The following RNF216 variants were observed in gnomAD, a reference collection of about 807,000 sequenced individuals.
RNF216 encodes the protein E3 ubiquitin-protein ligase RNF216.
RNF216 carries 72 observed loss-of-function variants against 110.8 expected under a neutral mutation model. The observed-to-expected ratio is 0.65, with a 90% confidence interval of 0.54 to 0.79. The LOEUF is 0.79. RNF216 is among the 30% of genes least tolerant of loss of function. The pLI is 0.00. For synonymous variants in RNF216, 495 were observed against 407.5 expected (o/e 1.21, Z -2.59); for missense variants, 1,342 against 1,141.2 (o/e 1.18, Z -2.54).
chr7:5,744,721 C>T (rs1443459583), intron 3 of RNF216, among the ~76,000 whole-genome samples: 1 of 152,074 alleles, frequency 6.6e-6, no homozygotes, highest in Non-Finnish European at 1.5e-5. Context: ...GCCTATAATC[C>T]CAGCACTTTG....
chr7:5,682,128 G>A (rs776890352), intron 13 of RNF216, among the ~76,000 whole-genome samples: 10 of 152,200 alleles, frequency 6.6e-5, no homozygotes, highest in Non-Finnish European at 1.2e-4. Context: ...GCGGGCCCAC[G>A]CTGCTAGGAA....
At chr7:5,779,753 T>C (rs1195879446) in intron 1 of RNF216, among the ~76,000 whole-genome samples, 1 of 143,856 alleles carries the variant, frequency 7.0e-6, no homozygotes, top group Non-Finnish European at 1.5e-5. Flanking sequence ...TACTTGAAGC[T>C]GGCAGGCGGA....
chr7:5,697,001 G>C (rs1791671688), intron 13 of RNF216, among the ~76,000 whole-genome samples: 1 of 152,150 alleles, frequency 6.6e-6, no homozygotes, highest in Non-Finnish European at 1.5e-5. Flanking sequence ...TCCAGGGACG[G>C]GGGTAGGGGA....
intron 13 of RNF216, among the ~76,000 whole-genome samples, chr7:5,689,998 G>A (rs1426890790): frequency 6.6e-6 from 1 of 151,552 alleles, no homozygotes; most frequent in Non-Finnish European, 1.5e-5. Flanking sequence ...CTTATTTGCC[G>A]AGTTCACCTG....
intron 4 of RNF216, chr7:5,739,672 G>T (rs529782089): frequency 8.4e-5 from 40 of 475,314 alleles, no homozygotes; most frequent in Non-Finnish European, 1.2e-4. Context: ...TCTCATGCCA[G>T]CCCTCAAGCA....
At chr7:5,700,819 G>A (rs531822501) in intron 13 of RNF216, among the ~76,000 whole-genome samples, 1 of 152,224 alleles carries the variant, frequency 6.6e-6, no homozygotes, top group South Asian at 2.1e-4. Flanking sequence ...CGCTGCCATG[G>A]GTGGGCAGGA....
chr7:5,690,097 G>C (rs1035491993), intron 13 of RNF216, among the ~76,000 whole-genome samples: 1 of 152,284 alleles, frequency 6.6e-6, no homozygotes, highest in African/African-American at 2.4e-5. Context: ...GGGAGGCTTA[G>C]GCGGGCGGAT....
intron 13 of RNF216, among the ~76,000 whole-genome samples, chr7:5,685,291 TCTC>T (rs1313585732): frequency 2.0e-5 from 3 of 152,120 alleles, no homozygotes; most frequent in Non-Finnish European, 4.4e-5. Flanking sequence ...AGCCTCTTGA[TCTC>T]CTCCATCTTC....
rs145909845 is a variant in RNF216 at position 5,663,406 on chromosome 7, C to A, written c.2062-10896G>T. Among the ~76,000 whole-genome samples the A allele has an allele frequency of 8.8e-3, 1,336 of 151,584 alleles. 21 individuals carry two copies. Among genetic ancestry groups the A allele is most frequent in the African/African-American group, 0.031 (1,276 of 41,272 alleles). On this transcript the variant is annotated intron_variant, in intron 13 of 16. Transcript: ENST00000389902. ...CCATCCTGGCTAACACGGTGAAACC[C>A]CCGTCTCTACTAAAAACACAAAAAC...
intron 13 of RNF216, among the ~76,000 whole-genome samples, chr7:5,684,361 C>G (rs2128607826): frequency 6.6e-6 from 1 of 151,706 alleles, no homozygotes; most frequent in South Asian, 2.1e-4. Context: ...CCTGCCTTGG[C>G]CTCCCAAAGT....
intron 13 of RNF216, among the ~76,000 whole-genome samples, chr7:5,668,136 T>C (rs1789648173): frequency 3.9e-5 from 6 of 152,104 alleles, no homozygotes. Flanking sequence ...ACTGTTTATA[T>C]AGCAGGCATA....
At position 5,739,165 on chromosome 7, in the gene RNF216, C is replaced by T. The variant is rs11981617; in HGVS notation, c.1121+111G>A. 0.014 allele frequency: 17,568 copies of T among 1,275,006 alleles called. 1,955 individuals carry two copies. In the African/African-American group the frequency reaches 0.24, roughly 17 times the overall value. The allele number at this position is 1,275,006 out of a possible 1,614,324, so 79.0% of individuals were successfully genotyped here. A position where few individuals can be genotyped will look rare whatever the true frequency, so the allele number is the denominator to read the frequency against. ...ATAGTTGCATAATAATGTGAATTTACTTAACAACACCAAATTGTATATTTA... is the reference window on the plus strand; with the variant it reads ...ATAGTTGCATAATAATGTGAATTTATTTAACAACACCAAATTGTATATTTA... On this transcript the variant is annotated intron_variant, in intron 5 of 16. Coordinates refer to ENST00000389902, the MANE Select transcript of RNF216 (RefSeq NM_207111.4).
At chr7:5,657,524 G>C (rs529301278) in intron 13 of RNF216, among the ~76,000 whole-genome samples, 1 of 152,070 alleles carries the variant, frequency 6.6e-6, no homozygotes, top group African/African-American at 2.4e-5. Flanking sequence ...CCGAAATCTT[G>C]CCATTGCACT....
chr7:5,627,336 A>T (rs1428346249), intron 15 of RNF216, among the ~76,000 whole-genome samples: 2 of 152,234 alleles, frequency 1.3e-5, no homozygotes, highest in East Asian at 1.9e-4. Context: ...CGCTGCAGAC[A>T]CAGTGAGGAG....
intron 5 of RNF216, among the ~76,000 whole-genome samples, chr7:5,734,618 T>C (rs1448816544): frequency 1.4e-5 from 2 of 145,186 alleles, no homozygotes; most frequent in Non-Finnish European, 3.0e-5. Context: ...CAAGGTTAAA[T>C]ACCCAGGTAG....
intron 13 of RNF216, among the ~76,000 whole-genome samples, chr7:5,709,609 G>T (rs996644412): frequency 3.3e-5 from 5 of 152,158 alleles, no homozygotes; most frequent in African/African-American, 1.2e-4. Context: ...AGCAGGCCAT[G>T]TATATTCCTC....
chr7:5,632,368 G>A (rs1239864685), intron 15 of RNF216, among the ~76,000 whole-genome samples: 1 of 152,188 alleles, frequency 6.6e-6, no homozygotes, highest in Admixed American at 6.5e-5. Flanking sequence ...CTCTCCTTCT[G>A]GCCCCTCCTA....
intron 8 of RNF216, 54 bp from the exon 9 acceptor site, chr7:5,721,226 T>TG: frequency 6.5e-7 from 1 of 1,550,230 alleles, no homozygotes; most frequent in South Asian, 1.1e-5. Flanking sequence ...GTTAGGAACC[T>TG]GGGCCAGCCA....
intron 13 of RNF216, among the ~76,000 whole-genome samples, chr7:5,660,743 A>C (rs1047673693): frequency 6.6e-6 from 1 of 151,076 alleles, no homozygotes; most frequent in African/African-American, 2.4e-5. Flanking sequence ...ATGCCTGGCT[A>C]ATTTTTTGTA....
Sources: allele counts gnomAD v4.1 joint callset (sites outside exome capture counted in the v4.1 genomes callset), GRCh38; gene constraint gnomAD v4.1.1; transcripts MANE v1.5; gene names NCBI Gene and HGNC (gene_info 2026-07-23, HGNC 2026-07-21).